The following GAB3 variants were observed in gnomAD, a reference collection of about 807,000 sequenced individuals.
GAB3 encodes the protein GRB2 associated binding protein 3, also known as GRB2-associated-binding protein 3.
In GAB3, 12 loss-of-function variants were observed where a neutral mutation model predicts 40.4. The ratio of observed to expected loss-of-function variants is 0.30; its 90% CI spans 0.19 to 0.48. GAB3 has a LOEUF of 0.48. GAB3 is among the 20% of genes least tolerant of loss of function. The pLI is 0.99. For missense variants in GAB3, 381 were observed against 461.9 expected (o/e 0.82, Z 1.61); for synonymous variants, 154 against 176.7 (o/e 0.87, Z 1.02).
chrX:154,683,011 C>T (rs1323768626), intron 8 of GAB3, among the ~76,000 whole-genome samples: 12 of 112,180 alleles, frequency 1.1e-4, no homozygotes, highest in Non-Finnish European at 2.3e-4. Flanking sequence ...AATAAAAAGA[C>T]TTTTCCTTCT....
chrX:154,680,369 G>A (rs1038879953), intron 8 of GAB3, 121 bp from the exon 9 acceptor site: 46 of 445,824 alleles, frequency 1.0e-4, no homozygotes, highest in African/African-American at 1.0e-3. Flanking sequence ...ATAGTCTGAT[G>A]AGACCTGAGT....
intron 1 of GAB3, among the ~76,000 whole-genome samples, chrX:154,737,599 C>T (rs1299642438): frequency 1.8e-5 from 2 of 112,059 alleles, no homozygotes; most frequent in African/African-American, 6.5e-5. Context: ...CGGTATGTGC[C>T]AGCCTGAACG....
intron 8 of GAB3, among the ~76,000 whole-genome samples, chrX:154,680,586 G>A (rs1025102689): frequency 1.3e-4 from 15 of 111,943 alleles, no homozygotes; most frequent in Admixed American, 5.7e-4. Context: ...TAAAGTTCTC[G>A]TGAAGGCATC....
chrX:154,699,884 A>T (rs782763432), intron 5 of GAB3, 120 bp downstream of exon 5: 2 of 599,898 alleles, frequency 3.3e-6, no homozygotes, highest in East Asian at 6.5e-5. Context: ...TCTTCAGGGG[A>T]GACTGGAAGA....
intron 8 of GAB3, among the ~76,000 whole-genome samples, chrX:154,689,955 C>T (rs1313660656): frequency 9.2e-6 from 1 of 108,996 alleles, no homozygotes; most frequent in Non-Finnish European, 1.9e-5. Context: ...GCCTGCATCG[C>T]CAAGTCAATC....
intron 4 of GAB3, among the ~76,000 whole-genome samples, chrX:154,707,880 CA>C (rs1222316166): frequency 1.8e-5 from 2 of 111,326 alleles, no homozygotes; most frequent in African/African-American, 6.5e-5. Context: ...CATACAACAG[CA>C]AAAAACAGTT....
At chrX:154,700,232 C>G (rs2070721059) in intron 4 of GAB3, among the ~76,000 whole-genome samples, 173 bp from the exon 5 acceptor site, 1 of 111,310 alleles carries the variant, frequency 9.0e-6, no homozygotes, top group Non-Finnish European at 1.9e-5. Context: ...AAGTTTCTAG[C>G]CAATGGTTTG....
chrX:154,704,114 T>C (rs1240419463), intron 4 of GAB3, among the ~76,000 whole-genome samples: 1 of 111,454 alleles, frequency 9.0e-6, no homozygotes, highest in Non-Finnish European at 1.9e-5. Context: ...CTGGAGGTCA[T>C]TAAGGAGGTT....
chrX:154,701,506 C>T (rs781899740), intron 4 of GAB3, among the ~76,000 whole-genome samples: 27 of 112,345 alleles, frequency 2.4e-4, no homozygotes, highest in Non-Finnish European at 4.3e-4. Context: ...TTGCAAGCTT[C>T]CTGAAATGCC....
intron 4 of GAB3, among the ~76,000 whole-genome samples, chrX:154,700,370 T>A (rs1471602369): frequency 9.0e-6 from 1 of 111,251 alleles, no homozygotes; most frequent in Non-Finnish European, 1.9e-5. Context: ...TTTGAAATAT[T>A]CCTTGTAACG....
At chrX:154,733,096 C>T (rs991650032) in intron 1 of GAB3, among the ~76,000 whole-genome samples, 1 of 112,312 alleles carries the variant, frequency 8.9e-6, no homozygotes, top group Non-Finnish European at 1.9e-5. Flanking sequence ...AACTCTTGGC[C>T]TCTTCACTGT....
At chrX:154,715,247 G>A (rs1023774244) in intron 2 of GAB3, among the ~76,000 whole-genome samples, 1 of 111,883 alleles carries the variant, frequency 8.9e-6, no homozygotes, top group Non-Finnish European at 1.9e-5. Flanking sequence ...TAGACTAAGA[G>A]GCTAAAAGAA....
At chrX:154,746,176 C>T (rs1467012078) in intron 1 of GAB3, among the ~76,000 whole-genome samples, 1 of 111,086 alleles carries the variant, frequency 9.0e-6, no homozygotes, top group African/African-American at 3.3e-5. Context: ...AGAAGGAATA[C>T]CAATTCTACA....
rs183584876 is a variant in GAB3, at chrX:154,745,742, C to A, written c.72+5212G>T. Among the ~76,000 whole-genome samples, 843 of 111,865 alleles carry A rather than the reference C, an allele frequency of 7.5e-3. 8 individuals are homozygous for A. The highest frequency in any genetic ancestry group is 0.026 in the African/African-American group (807 of 30,751). ...AAGAAGATATGGATAACCCACATAG[C>A]CCTATATCTATTAAAGAAATAAAAT... On this transcript the variant is annotated intron_variant, in intron 1 of 9. Coordinates refer to ENST00000424127, the MANE Select transcript of GAB3 (RefSeq NM_001081573.3).
chrX:154,679,242 C>A (rs1557246250), intron 9 of GAB3: 1 of 342,033 alleles, frequency 2.9e-6, no homozygotes, highest in Admixed American at 3.1e-5. Flanking sequence ...TGCAATCTCT[C>A]TTTTTCCTCT....
chrX:154,734,373 C>A (rs183696477), intron 1 of GAB3, among the ~76,000 whole-genome samples: 1,484 of 112,806 alleles, frequency 0.013, 19 homozygotes, highest in African/African-American at 0.044. Flanking sequence ...GCAAAGAAGG[C>A]AAAATAGGCT....
In GAB3 at chrX:154,726,144, G is replaced by A. The variant is rs782652298; in HGVS notation, c.73-9815C>T. ...AAAGAAACCTAGAAATAACAGAGAT[G>A]ATAGAATAAGCAGACAACTTTGAAA... On this transcript the variant is annotated intron_variant, in intron 1 of 9. Coordinates refer to ENST00000424127, the MANE Select transcript of GAB3 (RefSeq NM_001081573.3). 4.5e-5 allele frequency among the ~76,000 whole-genome samples: 5 copies of A among 111,599 alleles called. No individual in the cohort carries two copies. In the South Asian group the frequency reaches 1.1e-3, roughly 25 times the overall value.
chrX:154,744,212 C>CAAAAA (rs56796528), intron 1 of GAB3, among the ~76,000 whole-genome samples: 5 of 30,555 alleles, frequency 1.6e-4, no homozygotes, highest in Non-Finnish European at 2.2e-4. Context: ...GATTCCATCT[C>CAAAAA]AAAAAAAAAA....
chrX:154,732,761 T>C (rs1557260092), intron 1 of GAB3, among the ~76,000 whole-genome samples: 18 of 111,011 alleles, frequency 1.6e-4, no homozygotes, highest in Non-Finnish European at 3.4e-4. Flanking sequence ...CAGCCCCAAA[T>C]GAATTTTTTC....
Sources: gnomAD v4.1 joint callset for allele counts (sites outside exome capture counted in the v4.1 genomes callset) on GRCh38, gnomAD v4.1.1 for gene constraint, MANE v1.5 for transcripts, NCBI Gene and HGNC (gene_info 2026-07-23, HGNC 2026-07-21) for gene names.